The following DOCK3 variants were observed in gnomAD, a reference collection of about 807,000 sequenced individuals.
The protein encoded by DOCK3 is dedicator of cytokinesis 3, also known as dedicator of cytokinesis protein 3.
In DOCK3, 60 loss-of-function variants were observed where a neutral mutation model predicts 265.6. The observed-to-expected ratio is 0.23, with a 90% CI of 0.18 to 0.28. The LOEUF is 0.28. DOCK3 is among the 10% of genes least tolerant of loss of function. DOCK3 has a pLI of 1.00. For synonymous variants in DOCK3, 881 were observed against 938.0 expected, an observed-to-expected ratio of 0.94 and a Z score of 1.11; for missense variants, 1,981 against 2,594.3, an observed-to-expected ratio of 0.76 and a Z score of 5.14.
intron 5 of DOCK3, among the ~76,000 whole-genome samples, chr3:51,063,960 T>G (rs1343307219): frequency 1.3e-5 from 2 of 152,228 alleles, no homozygotes; most frequent in African/African-American, 2.4e-5. Flanking sequence ...GGAGTGAATT[T>G]CACTCCAGGG....
intron 5 of DOCK3, among the ~76,000 whole-genome samples, chr3:50,942,737 A>ATT (rs35478621): frequency 4.3e-4 from 65 of 151,172 alleles, no homozygotes; most frequent in African/African-American, 1.5e-3. Flanking sequence ...AGGAGAAGCA[A>ATT]TTTTTTTTTG....
chr3:51,283,340 A>G (rs1440813226), intron 27 of DOCK3, among the ~76,000 whole-genome samples: 2 of 151,828 alleles, frequency 1.3e-5, no homozygotes, highest in Non-Finnish European at 2.9e-5. Flanking sequence ...CACATATACC[A>G]CCCTAATTCT....
At chr3:51,312,142 T>C (rs556172567) in intron 29 of DOCK3, 63 bp downstream of exon 29, 15 of 1,420,872 alleles carry the variant, frequency 1.1e-5, no homozygotes, top group Middle Eastern at 1.7e-4. Context: ...AAAACCAAGC[T>C]CACTTGTTTT....
intron 12 of DOCK3, among the ~76,000 whole-genome samples, chr3:51,176,587 C>T (rs148770817): frequency 2.6e-5 from 4 of 152,178 alleles, no homozygotes; most frequent in Admixed American, 6.5e-5. Context: ...GATCGCTCCA[C>T]TGCACTCCAG....
intron 1 of DOCK3, among the ~76,000 whole-genome samples, chr3:50,725,666 G>T (rs1212673684): frequency 6.6e-6 from 1 of 152,188 alleles, no homozygotes; most frequent in Non-Finnish European, 1.5e-5. Flanking sequence ...ATTCTTGGTG[G>T]CAGCAATGGG....
intron 27 of DOCK3, 101 bp downstream of exon 27, chr3:51,280,305 TGC>T: frequency 6.4e-6 from 7 of 1,099,488 alleles, no homozygotes; most frequent in Non-Finnish European, 9.2e-6. Context: ...TGACTAGCAT[TGC>T]CACGGGTGTA....
intron 5 of DOCK3, among the ~76,000 whole-genome samples, chr3:51,061,579 G>A (rs567676916): frequency 4.6e-5 from 7 of 152,094 alleles, no homozygotes; most frequent in Non-Finnish European, 8.8e-5. Context: ...GGGAGAGGGG[G>A]GAGGGATAGC....
At chr3:50,865,275 A>G (rs972866455) in intron 3 of DOCK3, among the ~76,000 whole-genome samples, 3 of 152,166 alleles carry the variant, frequency 2.0e-5, no homozygotes, top group African/African-American at 7.2e-5. Flanking sequence ...CACATTAACC[A>G]TCTCCACCAC....
chr3:51,295,619 TC>T (rs2082036686), intron 27 of DOCK3, among the ~76,000 whole-genome samples: 1 of 152,192 alleles, frequency 6.6e-6, no homozygotes. Flanking sequence ...GCAAACTTCT[TC>T]AACCTTATAA....
intron 5 of DOCK3, among the ~76,000 whole-genome samples, chr3:51,055,885 A>G (rs77468954): frequency 0.019 from 2,902 of 152,306 alleles, 106 homozygotes; most frequent in African/African-American, 0.066. Context: ...TTAGAGCTAT[A>G]ATGCTATTTG....
At chr3:51,020,577 G>A (rs769036385) in intron 5 of DOCK3, among the ~76,000 whole-genome samples, 1 of 151,798 alleles carries the variant, frequency 6.6e-6, no homozygotes, top group African/African-American at 2.4e-5. Flanking sequence ...TGCCTAGGTT[G>A]TCTTCCAGGG....
chr3:50,751,990 C>T (rs2039845173), intron 1 of DOCK3, among the ~76,000 whole-genome samples: 1 of 152,114 alleles, frequency 6.6e-6, no homozygotes, highest in African/African-American at 2.4e-5. Context: ...CAGGTCTCTT[C>T]CTAGACATGT....
At chr3:51,000,833 A>AGCT (rs1434693394) in intron 5 of DOCK3, among the ~76,000 whole-genome samples, 13 of 152,042 alleles carry the variant, frequency 8.6e-5, no homozygotes, top group African/African-American at 3.1e-4. Flanking sequence ...TTGTATTTTT[A>AGCT]GTAGAGACAG....
At chr3:51,358,425 C>T (rs1308577585) in intron 46 of DOCK3, among the ~76,000 whole-genome samples, 1 of 152,170 alleles carries the variant, frequency 6.6e-6, no homozygotes, top group East Asian at 1.9e-4. Flanking sequence ...TGTTTTTCAT[C>T]CCAAGAACCT....
intron 3 of DOCK3, among the ~76,000 whole-genome samples, chr3:50,856,846 G>GGT (rs1340278001): frequency 6.6e-6 from 1 of 151,968 alleles, no homozygotes; most frequent in Admixed American, 6.6e-5. Context: ...ATTATTTTGA[G>GGT]GTGTGTTCCT....
At chr3:51,363,091 A>G (rs756413935) in intron 49 of DOCK3, among the ~76,000 whole-genome samples, 1 of 152,282 alleles carries the variant, frequency 6.6e-6, no homozygotes. Flanking sequence ...TTCTAAAACA[A>G]TAACAGCAAC....
At chr3:50,925,002 A>G (rs2050686826) in intron 4 of DOCK3, among the ~76,000 whole-genome samples, 1 of 152,144 alleles carries the variant, frequency 6.6e-6, no homozygotes, top group Non-Finnish European at 1.5e-5. Context: ...TGCCAAAAGG[A>G]GGTTTACTAG....
intron 23 of DOCK3, among the ~76,000 whole-genome samples, chr3:51,269,169 A>G (rs988227543): frequency 6.8e-6 from 1 of 147,714 alleles, no homozygotes; most frequent in Non-Finnish European, 1.5e-5. Flanking sequence ...ACGTATAATA[A>G]TATACATATA....
intron 1 of DOCK3, among the ~76,000 whole-genome samples, chr3:50,729,167 A>G (rs1184490536): frequency 6.8e-6 from 1 of 148,096 alleles, no homozygotes; most frequent in African/African-American, 2.4e-5. Flanking sequence ...AAAAAAATAC[A>G]AAAATTAGCC....
Sources: allele counts gnomAD v4.1 joint callset (sites outside exome capture counted in the v4.1 genomes callset), GRCh38; gene constraint gnomAD v4.1.1; transcripts MANE v1.5; gene names NCBI Gene and HGNC (gene_info 2026-07-23, HGNC 2026-07-21).